Variants in DPP4 observed in about 807,000 individuals in gnomAD.
The protein encoded by DPP4 is ADCP-2.
In DPP4, 93 loss-of-function variants were observed where a neutral mutation model predicts 122.4. The observed-to-expected ratio is 0.76, with a 90% CI of 0.64 to 0.90. The LOEUF (loss-of-function observed/expected upper bound fraction) is 0.90. DPP4 is among the 40% of genes least tolerant of loss of function. DPP4 has a pLI of 0.00. For synonymous variants in DPP4, 321 were observed against 302.9 expected, an observed-to-expected ratio of 1.06 and a Z score of -0.62; for missense variants, 914 against 907.3, an observed-to-expected ratio of 1.01 and a Z score of -0.09.
chr2:162,039,950 G>C (rs1683930361), intron 5 of DPP4, among the ~76,000 whole-genome samples: 1 of 151,886 alleles, frequency 6.6e-6, no homozygotes, highest in South Asian at 2.1e-4. Flanking sequence ...CAAATGACTG[G>C]TATCAGAAAG....
intron 21 of DPP4, 58 bp downstream of exon 21, chr2:162,009,183 C>A (rs762824119): frequency 6.5e-7 from 1 of 1,547,546 alleles, no homozygotes; most frequent in Non-Finnish European, 8.9e-7. Context: ...GATAAAGTAA[C>A]CTGCTCTGAG....
intron 2 of DPP4, among the ~76,000 whole-genome samples, chr2:162,050,372 T>C (rs73971548): frequency 0.038 from 5,773 of 152,272 alleles, 244 homozygotes; most frequent in African/African-American, 0.097. Flanking sequence ...TCCTCACATC[T>C]GTGAGCCGCT....
chr2:162,038,276 A>C (rs913807249), intron 8 of DPP4, 26 bp downstream of exon 8: 1 of 1,517,262 alleles, frequency 6.6e-7, no homozygotes. Flanking sequence ...AGATTTTCTG[A>C]TTTGAAAAAG....
At position 162,046,927 on chromosome 2, in the gene DPP4, C is replaced by T. The variant is rs1274528200; in HGVS notation, c.273G>A (p.Glu91=). 6.3e-7 allele frequency: 1 copy of T among 1,585,580 alleles called. No individual in the cohort carries two copies. The highest frequency in any genetic ancestry group is 8.7e-7 in the Non-Finnish European group (1 of 1,154,404). ...TGATTAAACATACAAATGTACTGTT[C>T]TCCAAGAAAACTGAGCTGTTTCCAT... ...AEYGNSSVFL[E]NSTFDEFGHS... is the part of the protein sequence containing the mutation. The change falls in exon 4 of 26, where the codon GAG becomes GAA. Residue 91 remains glutamate, a synonymous_variant. Transcript: ENST00000360534.
intron 21 of DPP4, 38 bp from the exon 22 acceptor site, chr2:162,008,699 GAAT>G: frequency 1.9e-6 from 3 of 1,553,022 alleles, no homozygotes; most frequent in Non-Finnish European, 2.7e-6. Flanking sequence ...GGAGGTAAAA[GAAT>G]AAGGACATAT....
At chr2:162,062,226 G>T (rs1291569091) in intron 2 of DPP4, among the ~76,000 whole-genome samples, 1 of 152,166 alleles carries the variant, frequency 6.6e-6, no homozygotes, top group Non-Finnish European at 1.5e-5. Flanking sequence ...TGGTTGCAGT[G>T]AGCTGAGACT....
intron 23 of DPP4, among the ~76,000 whole-genome samples, chr2:162,003,681 A>T (rs1489620272): frequency 6.6e-6 from 1 of 152,326 alleles, no homozygotes; most frequent in South Asian, 2.1e-4. Context: ...AAATTTAAGT[A>T]TTCTGGTTGG....
At chr2:162,072,465 G>A (rs933720116) in intron 2 of DPP4, among the ~76,000 whole-genome samples, 1 of 152,182 alleles carries the variant, frequency 6.6e-6, no homozygotes, top group African/African-American at 2.4e-5. Context: ...GGTTTTCATA[G>A]CTCTACAATC....
At chr2:162,019,555 C>CAAA (rs142870783) in intron 14 of DPP4, among the ~76,000 whole-genome samples, 1 of 147,440 alleles carries the variant, frequency 6.8e-6, no homozygotes, top group African/African-American at 2.5e-5. Flanking sequence ...AGGCTTCTGT[C>CAAA]AAAAAAAAAA....
intron 18 of DPP4, among the ~76,000 whole-genome samples, chr2:162,015,794 T>C (rs773837671): frequency 1.3e-5 from 2 of 152,172 alleles, no homozygotes; most frequent in Non-Finnish European, 2.9e-5. Flanking sequence ...TGAAATAGAA[T>C]GTCACATCTC....
chr2:162,019,087 T>C, intron 15 of DPP4, 136 bp downstream of exon 15: 2 of 939,360 alleles, frequency 2.1e-6, no homozygotes, highest in Non-Finnish European at 3.4e-6. Flanking sequence ...TGTAGATTGA[T>C]TTATGAAGGA....
rs1684140162 is a variant in DPP4, at chr2:162,045,515, G to A, written c.366+17C>T. 2 of 1,560,414 alleles carry A rather than the reference G, an allele frequency of 1.3e-6. No homozygotes were observed. The highest frequency in any genetic ancestry group is 4.5e-5 in the East Asian group (2 of 44,586). On this transcript the variant is annotated intron_variant, in intron 5 of 25. Transcript: ENST00000360534. ...TTGGATTATTTAAATGTTACAGTAA[G>A]AAAGCATTTATTTTACCTTCACGTA...
intron 2 of DPP4, among the ~76,000 whole-genome samples, chr2:162,071,917 G>A (rs942454163): frequency 6.6e-6 from 1 of 152,132 alleles, no homozygotes; most frequent in African/African-American, 2.4e-5. Flanking sequence ...TTGCTTTAAC[G>A]GAAGTTCTGA....
At chr2:162,060,978 TTCCCTCCC>T (rs1211725268) in intron 2 of DPP4, among the ~76,000 whole-genome samples, 9 of 115,808 alleles carry the variant, frequency 7.8e-5, no homozygotes, top group South Asian at 3.5e-4. Flanking sequence ...GCTTCCTTCC[TTCCCTCCC>T]TCCCTCCCTC....
chr2:162,068,941 C>A (rs1685031590), intron 2 of DPP4, among the ~76,000 whole-genome samples: 1 of 152,118 alleles, frequency 6.6e-6, no homozygotes, highest in Non-Finnish European at 1.5e-5. Flanking sequence ...CTAACAGGCA[C>A]ATGAGTGAGC....
intron 23 of DPP4, among the ~76,000 whole-genome samples, chr2:161,998,321 C>T (rs988455686): frequency 3.2e-4 from 49 of 152,140 alleles, no homozygotes; most frequent in Non-Finnish European, 2.5e-4. Context: ...GGCTGAGGTG[C>T]CCCCATGTGA....
intron 14 of DPP4, among the ~76,000 whole-genome samples, chr2:162,019,905 A>G (rs903246981): frequency 6.6e-6 from 1 of 152,164 alleles, no homozygotes; most frequent in African/African-American, 2.4e-5. Context: ...CAAGCCTTCC[A>G]AAAAATCAGT....
intron 2 of DPP4, among the ~76,000 whole-genome samples, chr2:162,067,237 C>T (rs545582141): frequency 2.6e-5 from 4 of 152,196 alleles, no homozygotes; most frequent in Non-Finnish European, 5.9e-5. Context: ...GCAGGGTGGG[C>T]TTTAGAACAA....
chr2:162,049,146 C>A (rs539725496), intron 2 of DPP4, among the ~76,000 whole-genome samples: 1 of 152,290 alleles, frequency 6.6e-6, no homozygotes, highest in South Asian at 2.1e-4. Flanking sequence ...ATTTGGGGGA[C>A]TGGGAAGCCA....
Sources: gnomAD v4.1 joint callset for allele counts (sites outside exome capture counted in the v4.1 genomes callset) on GRCh38, gnomAD v4.1.1 for gene constraint, MANE v1.5 for transcripts, NCBI Gene and HGNC (gene_info 2026-07-23, HGNC 2026-07-21) for gene names.